The following ANKS1B variants were observed in gnomAD, a reference collection of about 807,000 sequenced individuals.
ANKS1B encodes the protein ankyrin repeat and sterile alpha motif domain-containing protein 1B.
Under a neutral mutation model 148.3 loss-of-function variants are expected in ANKS1B, and 36 were observed. The ratio of observed to expected loss-of-function variants is 0.24; its 90% CI spans 0.19 to 0.32. The LOEUF is 0.32. ANKS1B is among the 10% of genes least tolerant of loss of function. ANKS1B has a pLI of 1.00. For missense variants in ANKS1B, 1,157 were observed against 1,542.6 expected, an observed-to-expected ratio of 0.75 and a Z score of 4.19; for synonymous variants, 542 against 560.8, an observed-to-expected ratio of 0.97 and a Z score of 0.47.
intron 10 of ANKS1B, among the ~76,000 whole-genome samples, chr12:99,487,250 T>C (rs543420858): frequency 6.6e-5 from 10 of 152,334 alleles, no homozygotes; most frequent in Non-Finnish European, 1.3e-4. Context: ...ATGAATGTTG[T>C]TGAAGAGTGA....
chr12:99,768,713 C>G (rs1238523556), intron 8 of ANKS1B, among the ~76,000 whole-genome samples: 1 of 151,018 alleles, frequency 6.6e-6, no homozygotes. Context: ...GTAGTCCCAG[C>G]TACTCAGGAG....
At chr12:99,867,256 A>G (rs2090883227) in intron 1 of ANKS1B, among the ~76,000 whole-genome samples, 1 of 152,050 alleles carries the variant, frequency 6.6e-6, no homozygotes, top group Non-Finnish European at 1.5e-5. Flanking sequence ...CATCAAAATT[A>G]TAACACAAAC....
chr12:98,991,358 T>C (rs886733840), intron 17 of ANKS1B, among the ~76,000 whole-genome samples: 8 of 152,348 alleles, frequency 5.3e-5, no homozygotes, highest in African/African-American at 1.7e-4. Flanking sequence ...TCTTGTTAGG[T>C]TTTATTTCAG....
At chr12:99,110,543 T>C (rs1251752155) in intron 15 of ANKS1B, among the ~76,000 whole-genome samples, 1 of 152,212 alleles carries the variant, frequency 6.6e-6, no homozygotes, top group African/African-American at 2.4e-5. Context: ...ATTTATTCAT[T>C]TACCCTTTTA....
At chr12:99,907,235 G>A (rs2093816262) in intron 1 of ANKS1B, among the ~76,000 whole-genome samples, 1 of 152,174 alleles carries the variant, frequency 6.6e-6, no homozygotes, top group Non-Finnish European at 1.5e-5. Flanking sequence ...CATCAGTTCT[G>A]TGTTTAATTT....
intron 17 of ANKS1B, among the ~76,000 whole-genome samples, chr12:98,957,080 T>C (rs1392725882): frequency 6.6e-6 from 1 of 152,172 alleles, no homozygotes; most frequent in Non-Finnish European, 1.5e-5. Flanking sequence ...TATCTCTAAA[T>C]ACATTCCAGG....
intron 8 of ANKS1B, among the ~76,000 whole-genome samples, chr12:99,687,600 T>C (rs1201130456): frequency 6.6e-6 from 1 of 152,158 alleles, no homozygotes; most frequent in Non-Finnish European, 1.5e-5. Flanking sequence ...TTCAGTCCTA[T>C]CTCTGTTATT....
At chr12:98,991,889 G>A (rs919771250) in intron 17 of ANKS1B, among the ~76,000 whole-genome samples, 1 of 152,292 alleles carries the variant, frequency 6.6e-6, no homozygotes, top group East Asian at 1.9e-4. Context: ...ACAAAGTACT[G>A]TGAGATCTAT....
At chr12:99,912,180 G>A (rs1245472370) in intron 1 of ANKS1B, among the ~76,000 whole-genome samples, 1 of 152,212 alleles carries the variant, frequency 6.6e-6, no homozygotes, top group Non-Finnish European at 1.5e-5. Flanking sequence ...TCCCTACTTA[G>A]AGGTAATTGG....
intron 11 of ANKS1B, among the ~76,000 whole-genome samples, chr12:99,418,454 AT>A (rs1467189216): frequency 6.6e-6 from 1 of 152,100 alleles, no homozygotes; most frequent in Non-Finnish European, 1.5e-5. Flanking sequence ...CAGAAATACA[AT>A]TTTTTTATGT....
At chr12:98,884,125 A>G (rs115098131) in intron 17 of ANKS1B, among the ~76,000 whole-genome samples, 2,356 of 152,308 alleles carry the variant, frequency 0.015, 53 homozygotes, top group African/African-American at 0.051. Flanking sequence ...CTTCAAATAT[A>G]TATCATTTAC....
At chr12:99,751,516 A>G (rs2061104033) in intron 8 of ANKS1B, among the ~76,000 whole-genome samples, 1 of 152,186 alleles carries the variant, frequency 6.6e-6, no homozygotes, top group East Asian at 1.9e-4. Flanking sequence ...TACCCCAGGC[A>G]AGACTGAACT....
At chr12:99,113,002 T>C (rs1381726283) in intron 15 of ANKS1B, among the ~76,000 whole-genome samples, 4 of 152,206 alleles carry the variant, frequency 2.6e-5, no homozygotes, top group African/African-American at 4.8e-5. Context: ...AGGCAAGTAG[T>C]AAAATAAAAC....
At chr12:99,591,102 C>T (rs116537996) in intron 9 of ANKS1B, among the ~76,000 whole-genome samples, 1,775 of 151,892 alleles carry the variant, frequency 0.012, 44 homozygotes, top group African/African-American at 0.04. Context: ...ACCCAGTATG[C>T]TGTATTTTAA....
At chr12:99,138,338 C>T (rs184630021) in intron 15 of ANKS1B, among the ~76,000 whole-genome samples, 15 of 152,276 alleles carry the variant, frequency 9.9e-5, no homozygotes, top group African/African-American at 3.6e-4. Flanking sequence ...GAGGATATTC[C>T]AGATGATATG....
chr12:99,665,061 A>G (rs56362005), intron 8 of ANKS1B, among the ~76,000 whole-genome samples: 3,270 of 152,292 alleles, frequency 0.021, 128 homozygotes, highest in African/African-American at 0.075. Flanking sequence ...TGCGGCCATT[A>G]CGAATAAAGT....
chr12:98,859,856 G>A (rs2099589753), intron 17 of ANKS1B, among the ~76,000 whole-genome samples: 1 of 152,150 alleles, frequency 6.6e-6, no homozygotes, highest in African/African-American at 2.4e-5. Context: ...TCATATTTGA[G>A]TCAATACACT....
At chr12:98,876,077 G>A (rs1180123131) in intron 17 of ANKS1B, among the ~76,000 whole-genome samples, 4 of 152,162 alleles carry the variant, frequency 2.6e-5, no homozygotes, top group Non-Finnish European at 4.4e-5. Flanking sequence ...TTGAACCAAA[G>A]TGACCCTTCC....
intron 8 of ANKS1B, among the ~76,000 whole-genome samples, chr12:99,679,442 G>T (rs374885442): frequency 6.6e-6 from 1 of 151,974 alleles, no homozygotes; most frequent in African/African-American, 2.4e-5. Context: ...CAAGTACCTC[G>T]GACTACAGGT....
Sources: gnomAD v4.1 joint callset for allele counts (sites outside exome capture counted in the v4.1 genomes callset) on GRCh38, gnomAD v4.1.1 for gene constraint, MANE v1.5 for transcripts, NCBI Gene and HGNC (gene_info 2026-07-23, HGNC 2026-07-21) for gene names.